Variants in EYS observed in about 807,000 individuals in gnomAD.
The protein encoded by EYS is EGF-like photoreceptor maintenance factor.
A neutral mutation model predicts 282.1 loss-of-function variants in EYS; 250 were observed. That is an observed-to-expected ratio of 0.89 (90% CI 0.80 to 0.98). The LOEUF (loss-of-function observed/expected upper bound fraction) is 0.98. EYS is among the 50% of genes least tolerant of loss of function. The probability of loss-of-function intolerance (pLI) is 0.00; values close to 1 mark genes in which losing one functional copy is unlikely to be tolerated. For synonymous variants in EYS, 1,355 were observed against 1,282.9 expected (o/e 1.06, Z -1.20); for missense variants, 4,016 against 3,709.0 (o/e 1.08, Z -2.15).
intron 13 of EYS, among the ~76,000 whole-genome samples, chr6:65,008,389 A>G (rs1771756498): frequency 6.6e-6 from 1 of 152,032 alleles, no homozygotes; most frequent in African/African-American, 2.4e-5. Context: ...AAACTTAGAA[A>G]CCCTATTGAA....
chr6:64,105,047 G>A (rs538169743), intron 31 of EYS, among the ~76,000 whole-genome samples: 116 of 151,808 alleles, frequency 7.6e-4, no homozygotes, highest in Middle Eastern at 6.8e-3. Context: ...GAGAGGGGGC[G>A]GGGAGAGACA....
chr6:63,723,084 T>TA (rs1478555824), intron 42 of EYS, among the ~76,000 whole-genome samples: 1 of 152,136 alleles, frequency 6.6e-6, no homozygotes, highest in East Asian at 1.9e-4. Context: ...AATAAAGAAA[T>TA]ACGTTTGTAG....
chr6:65,623,777 C>A (rs1766605481), intron 2 of EYS, among the ~76,000 whole-genome samples: 1 of 152,102 alleles, frequency 6.6e-6, no homozygotes, highest in South Asian at 2.1e-4. Context: ...AGTAGACGTC[C>A]AGTGAGTCAC....
chr6:64,235,335 C>T (rs867160704), intron 30 of EYS, among the ~76,000 whole-genome samples: 135 of 149,306 alleles, frequency 9.0e-4, no homozygotes, highest in Middle Eastern at 3.4e-3. Flanking sequence ...TGAGAATATG[C>T]GGTGTTTGGT....
chr6:65,180,252 G>C (rs1014648422), intron 12 of EYS, among the ~76,000 whole-genome samples: 14 of 151,214 alleles, frequency 9.3e-5, no homozygotes, highest in African/African-American at 2.9e-4. Flanking sequence ...ATTAGGAAAA[G>C]AGAAAGTCAA....
Position 65,495,046 on chromosome 6 carries a change from T to A in EYS, c.365A>T (p.Asp122Val). The change falls in exon 4 of 43, where the codon GAT (aspartate) becomes GTT (valine). Residue 122 changes from aspartate (D) to valine (V), a missense_variant. Coordinates refer to ENST00000503581, the MANE Select transcript of EYS (RefSeq NM_001142800.2). ...TAGTCTGCAGCCAAAAAGTAACTGA[T>A]CTTCCGTTGTGGTATTTTGCACACA... The part of the protein sequence containing the change: ...VGCVQNTTTE[D>V]QLLFGCRLKG... 6.2e-7 allele frequency: 1 copy of A among 1,614,206 alleles called. No homozygotes were observed. Among genetic ancestry groups the A allele is most frequent in the Non-Finnish European group, 8.5e-7 (1 of 1,180,036 alleles).
In EYS at chr6:64,779,561, G is replaced by T. The variant is rs1387064637; in HGVS notation, c.3443+33817C>A. On this transcript the variant is annotated intron_variant, in intron 22 of 42. Transcript: ENST00000503581. The stretch of plus-strand genomic sequence containing the variant: ...TATTCTGTATAATTCTGTAATGGTG[G>T]ATACATGCCATTATACATTAGTTAT... 2.0e-5 allele frequency among the ~76,000 whole-genome samples: 3 copies of T among 152,146 alleles called. No individual in the cohort carries two copies. The East Asian group carries it at 5.8e-4, about 29-fold the overall frequency.
At chr6:63,833,191 A>C (rs1771696079) in intron 36 of EYS, among the ~76,000 whole-genome samples, 1 of 152,164 alleles carries the variant, frequency 6.6e-6, no homozygotes, top group Admixed American at 6.5e-5. Flanking sequence ...ACTCCTATTC[A>C]ACATGGTGTT....
At chr6:65,678,668 A>T (rs952445917) in intron 1 of EYS, among the ~76,000 whole-genome samples, 2 of 151,968 alleles carry the variant, frequency 1.3e-5, no homozygotes, top group Admixed American at 6.6e-5. Flanking sequence ...GTAAAAAGGC[A>T]ACCTGTAGAA....
chr6:65,491,267 A>G (rs1329052007), intron 4 of EYS: 3 of 168,482 alleles, frequency 1.8e-5, no homozygotes, highest in Non-Finnish European at 3.4e-5. Flanking sequence ...TATATCAGTT[A>G]TATACACACA....
At chr6:65,034,100 G>A (rs1207268098) in intron 13 of EYS, among the ~76,000 whole-genome samples, 1 of 152,128 alleles carries the variant, frequency 6.6e-6, no homozygotes, top group African/African-American at 2.4e-5. Flanking sequence ...ACTTGCACGG[G>A]GCCTGTAGCC....
At chr6:63,945,370 G>A (rs996261362) in intron 35 of EYS, among the ~76,000 whole-genome samples, 1 of 152,002 alleles carries the variant, frequency 6.6e-6, no homozygotes, top group Non-Finnish European at 1.5e-5. Context: ...ATTACCTCCC[G>A]CCGGTCCCCT....
At chr6:65,428,290 T>C (rs1767740818) in intron 5 of EYS, among the ~76,000 whole-genome samples, 2 of 152,158 alleles carry the variant, frequency 1.3e-5, no homozygotes, top group African/African-American at 4.8e-5. Context: ...CAGTATTTTT[T>C]AATAAAAGCA....
chr6:64,400,095 A>C (rs1773496502), intron 28 of EYS, among the ~76,000 whole-genome samples: 1 of 151,982 alleles, frequency 6.6e-6, no homozygotes, highest in South Asian at 2.1e-4. Context: ...ATATATCATG[A>C]GGGAAATTAT....
At chr6:64,606,962 C>T (rs1157880823) in intron 24 of EYS, among the ~76,000 whole-genome samples, 1 of 151,982 alleles carries the variant, frequency 6.6e-6, no homozygotes, top group Non-Finnish European at 1.5e-5. Context: ...AACAGGTCTT[C>T]CTTCCTACGC....
chr6:65,526,073 C>T (rs1767547482), intron 2 of EYS, among the ~76,000 whole-genome samples: 1 of 152,108 alleles, frequency 6.6e-6, no homozygotes, highest in Admixed American at 6.6e-5. Context: ...CTGGTGAGAG[C>T]CGTGTCCTAA....
At chr6:64,944,892 T>G (rs1335806904) in intron 15 of EYS, among the ~76,000 whole-genome samples, 3 of 152,208 alleles carry the variant, frequency 2.0e-5, no homozygotes, top group East Asian at 3.9e-4. Context: ...AAATCTGGCT[T>G]ATGTGCATGT....
At chr6:64,472,119 G>A (rs551555985) in intron 26 of EYS, among the ~76,000 whole-genome samples, 12 of 152,196 alleles carry the variant, frequency 7.9e-5, no homozygotes, top group Non-Finnish European at 1.3e-4. Context: ...ACACAAAAAT[G>A]TACTATAAAA....
chr6:65,212,700 A>T (rs1041099620), intron 12 of EYS, among the ~76,000 whole-genome samples: 5 of 152,160 alleles, frequency 3.3e-5, no homozygotes, highest in African/African-American at 1.2e-4. Context: ...CTAAGAAATT[A>T]TTTTTAGAAA....
Sources: gnomAD v4.1 joint callset for allele counts (sites outside exome capture counted in the v4.1 genomes callset) on GRCh38, gnomAD v4.1.1 for gene constraint, MANE v1.5 for transcripts, NCBI Gene and HGNC (gene_info 2026-07-23, HGNC 2026-07-21) for gene names.